Variants in KAZN observed in about 807,000 individuals in gnomAD.
KAZN encodes kazrin, periplakin interacting protein.
A neutral mutation model predicts 87.4 loss-of-function variants in KAZN; 40 were observed. That is an observed-to-expected ratio of 0.46 (90% CI 0.36 to 0.60). The LOEUF (loss-of-function observed/expected upper bound fraction) is 0.60. Ranked by LOEUF, KAZN falls within the 20% of genes least tolerant of loss-of-function variation. The pLI is 0.00. For synonymous variants in KAZN, 466 were observed against 458.3 expected, an observed-to-expected ratio of 1.02 and a Z score of -0.22; for missense variants, 898 against 1,073.9, an observed-to-expected ratio of 0.84 and a Z score of 2.29.
chr1:13,944,949 C>A (rs1641080335), intron 1 of KAZN, among the ~76,000 whole-genome samples: 1 of 152,012 alleles, frequency 6.6e-6, no homozygotes, highest in South Asian at 2.1e-4. Flanking sequence ...TATGAGCTTA[C>A]AAGAGATATC....
exon 1 of KAZN, chr1:13,892,945 G>A (rs1638891154): frequency 1.3e-5 from 2 of 152,124 alleles, no homozygotes; most frequent in African/African-American, 4.8e-5. Flanking sequence ...GGAGCGGCAG[G>A]GCCTAGGCGT....
In KAZN at chr1:15,077,532, G is replaced by T. The variant is rs149336746; in HGVS notation, c.1222+11779G>T. 1.7e-3 allele frequency among the ~76,000 whole-genome samples: 256 copies of T among 152,312 alleles called. 1 individual carries two copies. The highest frequency in any genetic ancestry group is 5.9e-3 in the African/African-American group (247 of 41,566). ...CTGCCCTCGGAGGCCTTGAGTCACT[G>T]CAGGAATCCTGAGCTCCACCGCTCC... On this transcript the variant is annotated intron_variant, in intron 8 of 14. Coordinates refer to ENST00000376030, the MANE Select transcript of KAZN (RefSeq NM_201628.3). The surrounding 1 kb of genome is among the most constrained non-coding windows in gnomAD (Gnocchi z 4.8).
intron 13 of KAZN, among the ~76,000 whole-genome samples, chr1:15,109,816 GTGTA>G (rs1199587495): frequency 8.4e-5 from 12 of 143,388 alleles, no homozygotes; most frequent in Non-Finnish European, 1.4e-4. Context: ...TGTGTTGTAT[GTGTA>G]TGTATGTGTA....
chr1:14,565,305 T>C (rs1038739328), intron 2 of KAZN, among the ~76,000 whole-genome samples: 11 of 152,226 alleles, frequency 7.2e-5, no homozygotes, highest in Non-Finnish European at 1.3e-4. Flanking sequence ...TCCCAGTGCA[T>C]ATAAAAGTTG....
At chr1:14,778,407 A>C (rs59493493) in intron 1 of KAZN, among the ~76,000 whole-genome samples, 5 of 97,396 alleles carry the variant, frequency 5.1e-5, no homozygotes, top group Non-Finnish European at 8.8e-5. Context: ...AAAAAAAAAA[A>C]AAAAAACCCA....
At chr1:14,149,958 C>A (rs1337190750) in intron 1 of KAZN, among the ~76,000 whole-genome samples, 1 of 152,174 alleles carries the variant, frequency 6.6e-6, no homozygotes, top group Non-Finnish European at 1.5e-5. Flanking sequence ...CTAAAAATTT[C>A]TCTGCAGATT....
chr1:14,736,100 A>C lies in KAZN; in HGVS notation c.226+136877A>C, dbSNP rs376176123. ...GTGGATGAGGCCAGGTGAAAAACAG[A>C]AGTTCCCCACAGCCTCCAGAGAGAA... On this transcript the variant is annotated intron_variant, in intron 1 of 14. Transcript: ENST00000376030. Among the ~76,000 whole-genome samples the C allele has an allele frequency of 1.9e-4, 29 of 152,226 alleles. No homozygotes were observed. The East Asian group carries it at 4.4e-3, about 23-fold the overall frequency.
At chr1:14,091,510 T>G (rs1218361643) in intron 1 of KAZN, among the ~76,000 whole-genome samples, 1 of 152,178 alleles carries the variant, frequency 6.6e-6, no homozygotes, top group Non-Finnish European at 1.5e-5. Flanking sequence ...TCCATCATGG[T>G]CAGAAGTAGA....
In KAZN at chr1:15,066,550, C is replaced by T. The variant is rs1639239837; in HGVS notation, c.1222+797C>T. 1.0e-6 allele frequency: 1 copy of T among 984,944 alleles called. No homozygotes were observed. Among genetic ancestry groups the T allele is most frequent in the Non-Finnish European group, 1.2e-6 (1 of 829,724 alleles). The allele number at this position is 984,944 out of a possible 1,614,324, so 61.0% of individuals were successfully genotyped here. A position where few individuals can be genotyped will look rare whatever the true frequency, so the allele number is the denominator to read the frequency against. On this transcript the variant is annotated intron_variant, in intron 8 of 14. Transcript: ENST00000376030. The surrounding 1 kb of genome is among the most constrained non-coding windows in gnomAD (Gnocchi z 4.3). ...CAGTTTTTAAATTGCATTGCCGTTT[C>T]TTTCTTTATGAAAAAAAAGAAAAAA... is the stretch of plus-strand genomic sequence containing the variant.
chr1:14,479,857 T>G (rs1316594238), intron 2 of KAZN, among the ~76,000 whole-genome samples: 3 of 152,158 alleles, frequency 2.0e-5, no homozygotes, highest in African/African-American at 7.2e-5. Context: ...GGTGTCTCTA[T>G]TCAATGTCTT....
intron 2 of KAZN, among the ~76,000 whole-genome samples, chr1:14,590,700 A>G (rs998407468): frequency 6.6e-6 from 1 of 152,188 alleles, no homozygotes; most frequent in Non-Finnish European, 1.5e-5. Context: ...CTTCATCACC[A>G]TCACCATCAT....
intron 8 of KAZN, chr1:15,068,038 G>A (rs1261491478): frequency 5.3e-6 from 4 of 750,452 alleles, no homozygotes; most frequent in Non-Finnish European, 1.6e-6. Flanking sequence ...TAGCGAATGA[G>A]TTATGGGTAA....
chr1:14,412,993 CAT>C (rs780831813), intron 2 of KAZN, among the ~76,000 whole-genome samples: 51 of 147,968 alleles, frequency 3.4e-4, no homozygotes, highest in East Asian at 2.7e-3. Context: ...TATAAAAACA[CAT>C]ATATAAATAT....
intron 1 of KAZN, among the ~76,000 whole-genome samples, chr1:14,728,574 G>T (rs1241214599): frequency 6.6e-6 from 1 of 152,140 alleles, no homozygotes; most frequent in Non-Finnish European, 1.5e-5. Context: ...CTGAATTTTA[G>T]CAGCTTGTCC....
At chr1:14,078,858 T>C (rs144481854) in intron 1 of KAZN, among the ~76,000 whole-genome samples, 1 of 152,188 alleles carries the variant, frequency 6.6e-6, no homozygotes, top group Non-Finnish European at 1.5e-5. Context: ...CTAATTTTTA[T>C]ATTTTTAGTA....
intron 2 of KAZN, chr1:14,349,300 T>C (rs1658344343): frequency 6.6e-6 from 1 of 152,048 alleles, no homozygotes; most frequent in African/African-American, 2.4e-5. Context: ...CGAAGAGAGA[T>C]TAAGGCAGGG....
At chr1:14,501,371 C>T (rs1294229369) in intron 2 of KAZN, among the ~76,000 whole-genome samples, 1 of 152,086 alleles carries the variant, frequency 6.6e-6, no homozygotes. Flanking sequence ...ATGACTCACA[C>T]ACATACTCAA....
intron 2 of KAZN, among the ~76,000 whole-genome samples, chr1:14,554,098 G>A (rs1287251332): frequency 6.6e-6 from 1 of 152,102 alleles, no homozygotes; most frequent in African/African-American, 2.4e-5. Flanking sequence ...TGAGGAACTT[G>A]GGGAAATCAG....
At chr1:14,247,457 T>G (rs1649619155) in intron 2 of KAZN, among the ~76,000 whole-genome samples, 1 of 152,220 alleles carries the variant, frequency 6.6e-6, no homozygotes, top group Non-Finnish European at 1.5e-5. Flanking sequence ...TGAATCAACA[T>G]TTAAAAACAT....
Sources: allele counts gnomAD v4.1 joint callset (sites outside exome capture counted in the v4.1 genomes callset), GRCh38; gene constraint gnomAD v4.1.1; non-coding constraint Gnocchi (gnomAD v3.1); transcripts MANE v1.5; gene names NCBI Gene and HGNC (gene_info 2026-07-23, HGNC 2026-07-21).